Variants in NECAB1 observed in about 807,000 individuals in gnomAD.
The protein encoded by NECAB1 is N-terminal EF-hand calcium binding protein 1, also known as N-terminal EF-hand calcium-binding protein 1.
A neutral mutation model predicts 57.5 loss-of-function variants in NECAB1; 29 were observed. That is an observed-to-expected ratio of 0.50 (90% CI 0.38 to 0.69). The LOEUF is 0.69. Ranked by LOEUF, NECAB1 falls within the 30% of genes least tolerant of loss-of-function variation. The pLI, the probability that NECAB1 is intolerant of heterozygous loss-of-function variation, is 0.00. For missense variants in NECAB1, 372 were observed against 413.8 expected, an observed-to-expected ratio of 0.90 and a Z score of 0.88; for synonymous variants, 142 against 147.7, an observed-to-expected ratio of 0.96 and a Z score of 0.28.
At chr8:90,818,375 T>C (rs1812091519) in intron 2 of NECAB1, among the ~76,000 whole-genome samples, 1 of 152,062 alleles carries the variant, frequency 6.6e-6, no homozygotes, top group Non-Finnish European at 1.5e-5. Context: ...AAGTTGAAGC[T>C]CAGATATTGA....
intron 3 of NECAB1, among the ~76,000 whole-genome samples, chr8:90,861,185 G>A (rs1812895115): frequency 6.6e-6 from 1 of 152,106 alleles, no homozygotes; most frequent in African/African-American, 2.4e-5. Context: ...GAGAATTAAA[G>A]GCATCCTCTA....
intron 5 of NECAB1, among the ~76,000 whole-genome samples, chr8:90,889,160 A>G (rs953299217): frequency 3.3e-5 from 5 of 152,210 alleles, no homozygotes; most frequent in African/African-American, 7.2e-5. Flanking sequence ...TAATAATGTA[A>G]TAACATAGCT....
chr8:90,851,421 C>G (rs113338122), intron 3 of NECAB1, among the ~76,000 whole-genome samples: 3 of 152,040 alleles, frequency 2.0e-5, no homozygotes, highest in South Asian at 2.1e-4. Context: ...GACTTGTGGA[C>G]GAAGCCTATA....
rs1810470999 is a variant in NECAB1, at chr8:90,933,963, T to G, written c.694-341T>G. Among the ~76,000 whole-genome samples, 3 of 152,148 alleles carry G rather than the reference T, an allele frequency of 2.0e-5. No homozygotes were observed. The South Asian group carries it at 6.2e-4, about 32-fold the overall frequency. On this transcript the variant is annotated intron_variant, in intron 8 of 12. Transcript: ENST00000417640. Reference sequence around the variant, plus strand: ...GCAAAATAAAGCAGACTGTTAGGCTTAGTCATTCTGTTTCCTTTTCTTTCG... The same window carrying G: ...GCAAAATAAAGCAGACTGTTAGGCTGAGTCATTCTGTTTCCTTTTCTTTCG...
At position 90,917,504 on chromosome 8, in the gene NECAB1, G is replaced by A. The variant is rs1354841163; in HGVS notation, c.370G>A (p.Ala124Thr). 1 of 1,608,486 alleles carries A rather than the reference G, an allele frequency of 6.2e-7. No homozygotes were observed. Among genetic ancestry groups the A allele is most frequent in the South Asian group, 1.1e-5 (1 of 90,386 alleles). ...MGKTKKDYQE[A>T]SNLEQFVTRF... is the part of the protein sequence containing the mutation. Reference sequence around the variant, plus strand: ...TTGTCACCCTTAGGACTACCAAGAAGCCTCCAATTTGGAACAATTCGTAAC... The same window carrying A: ...TTGTCACCCTTAGGACTACCAAGAAACCTCCAATTTGGAACAATTCGTAAC... The change falls in exon 6 of 13, where the codon GCC becomes ACC. Residue 124 changes from alanine to threonine, a missense_variant. Coordinates refer to ENST00000417640, the MANE Select transcript of NECAB1 (RefSeq NM_022351.5).
At chr8:90,817,225 A>AT (rs1210645276) in intron 2 of NECAB1, among the ~76,000 whole-genome samples, 1 of 151,296 alleles carries the variant, frequency 6.6e-6, no homozygotes, top group Non-Finnish European at 1.5e-5. Context: ...AATTTGGGAG[A>AT]TTTTCTACAT....
intron 3 of NECAB1, among the ~76,000 whole-genome samples, chr8:90,870,546 C>T (rs1161883990): frequency 1.3e-5 from 2 of 152,106 alleles, no homozygotes; most frequent in Non-Finnish European, 2.9e-5. Context: ...AATGTGTTTC[C>T]TTTGGCTGCC....
intron 9 of NECAB1, among the ~76,000 whole-genome samples, chr8:90,935,141 T>C (rs1197942928): frequency 1.3e-5 from 2 of 152,164 alleles, no homozygotes; most frequent in South Asian, 2.1e-4. Flanking sequence ...TGTCAAAGGA[T>C]TGGTCACACA....
At chr8:90,895,738 T>C (rs1008817961) in intron 5 of NECAB1, among the ~76,000 whole-genome samples, 2 of 152,240 alleles carry the variant, frequency 1.3e-5, no homozygotes, top group Non-Finnish European at 2.9e-5. Flanking sequence ...TAGTCAGATT[T>C]GTGGCCTCTT....
intron 8 of NECAB1, among the ~76,000 whole-genome samples, chr8:90,933,160 A>G (rs962775815): frequency 7.9e-5 from 12 of 152,220 alleles, no homozygotes; most frequent in African/African-American, 2.9e-4. Context: ...ACTATGGAAA[A>G]TAGTGTGGAG....
intron 10 of NECAB1, among the ~76,000 whole-genome samples, chr8:90,946,002 T>C (rs1002188550): frequency 6.6e-6 from 1 of 152,220 alleles, no homozygotes; most frequent in African/African-American, 2.4e-5. Flanking sequence ...AATCGAAAGC[T>C]AATCATTCAA....
At chr8:90,869,414 A>G (rs1474004488) in intron 3 of NECAB1, among the ~76,000 whole-genome samples, 2 of 152,214 alleles carry the variant, frequency 1.3e-5, no homozygotes, top group African/African-American at 4.8e-5. Flanking sequence ...TGGAAAAGCC[A>G]CAAGTACTCA....
At chr8:90,952,505 G>A (rs2740782) in intron 12 of NECAB1, among the ~76,000 whole-genome samples, 43,908 of 151,928 alleles carry the variant, frequency 0.29, 7,358 homozygotes, top group East Asian at 0.6. Flanking sequence ...AAGGCTGGGC[G>A]CGGTGGCTCA....
At chr8:90,940,448 T>G in intron 9 of NECAB1, 1 of 224,730 alleles carries the variant, frequency 4.4e-6, no homozygotes, top group South Asian at 8.3e-5. Context: ...CTTAGGGAGG[T>G]TTTAAAAATA....
chr8:90,922,241 G>A (rs1810132770), intron 6 of NECAB1, among the ~76,000 whole-genome samples: 2 of 152,268 alleles, frequency 1.3e-5, no homozygotes, highest in African/African-American at 4.8e-5. Flanking sequence ...TTTTATAATG[G>A]AATCCACAAG....
At chr8:90,889,434 G>T (rs375304049) in intron 5 of NECAB1, among the ~76,000 whole-genome samples, 7 of 152,292 alleles carry the variant, frequency 4.6e-5, no homozygotes, top group African/African-American at 1.7e-4. Flanking sequence ...TTCTTGAGAA[G>T]ATGACAAAAA....
At position 90,955,562 on chromosome 8, in the gene NECAB1, T is replaced by C; in HGVS notation, c.*50T>C. ...GTTCCAAGTGCAAAACAGGTGTTCT[T>C]ATCTAAAACGTCAATTAGAAAATTA... On this transcript the variant is annotated 3_prime_UTR_variant, in exon 13 of 13. Transcript: ENST00000417640. The C allele has an allele frequency of 7.1e-7, 1 of 1,406,338 alleles. No individual in the cohort carries two copies. The highest frequency in any genetic ancestry group is 9.7e-7 in the Non-Finnish European group (1 of 1,034,632). The allele number at this position is 1,406,338 out of a possible 1,614,324, so 87.1% of individuals were successfully genotyped here.
intron 2 of NECAB1, among the ~76,000 whole-genome samples, chr8:90,821,535 G>T (rs943639251): frequency 6.6e-6 from 1 of 151,402 alleles, no homozygotes; most frequent in Admixed American, 6.6e-5. Flanking sequence ...TCCTAGCCTT[G>T]TCATTTGCAT....
At chr8:90,897,059 G>A (rs1809370672) in intron 5 of NECAB1, among the ~76,000 whole-genome samples, 1 of 135,680 alleles carries the variant, frequency 7.4e-6, no homozygotes, top group South Asian at 2.2e-4. Flanking sequence ...TTGCTTTGCT[G>A]AGAAAAAGAA....
Sources: gnomAD v4.1 joint callset for allele counts (sites outside exome capture counted in the v4.1 genomes callset) on GRCh38, gnomAD v4.1.1 for gene constraint, MANE v1.5 for transcripts, NCBI Gene and HGNC (gene_info 2026-07-23, HGNC 2026-07-21) for gene names.